The following KLKB1 variants were observed in gnomAD, a reference collection of about 807,000 sequenced individuals.
The protein encoded by KLKB1 is plasma kallikrein.
Under a neutral mutation model 73.6 loss-of-function variants are expected in KLKB1, and 58 were observed. The ratio of observed to expected loss-of-function variants is 0.79; its 90% CI spans 0.64 to 0.98. The LOEUF is 0.98. Ranked by LOEUF, KLKB1 falls within the 50% of genes least tolerant of loss-of-function variation. The probability of loss-of-function intolerance (pLI) is 0.00; values close to 1 mark genes in which losing one functional copy is unlikely to be tolerated. For synonymous variants in KLKB1, 280 were observed against 258.1 expected, an observed-to-expected ratio of 1.08 and a Z score of -0.81; for missense variants, 737 against 763.8, an observed-to-expected ratio of 0.96 and a Z score of 0.41.
intron 2 of KLKB1, among the ~76,000 whole-genome samples, chr4:186,216,238 T>G (rs934068592): frequency 6.6e-6 from 1 of 152,230 alleles, no homozygotes. Flanking sequence ...CTTATTCATG[T>G]GCTTATTTAT....
intron 6 of KLKB1, among the ~76,000 whole-genome samples, chr4:186,241,674 A>C (rs1279472520): frequency 9.9e-5 from 15 of 152,216 alleles, no homozygotes; most frequent in Admixed American, 9.8e-4. Context: ...AAGGAGGAAA[A>C]CATAAATTGG....
At position 186,233,393 on chromosome 4, in the gene KLKB1, A is replaced by AAATTTCTAGAAATTGG. The variant is rs1737497119; in HGVS notation, c.222-559_222-558insAATTTCTAGAAATTGG. 2.0e-5 allele frequency among the ~76,000 whole-genome samples: 3 copies of AAATTTCTAGAAATTGG among 152,214 alleles called. No homozygotes were observed. The South Asian group carries it at 6.2e-4, about 31-fold the overall frequency. ...TGAGTTTACCAACTAGAAATTGGATAGTCATTCTCTGATCCCACATGTTAA... is the reference window on the plus strand; with the variant it reads ...TGAGTTTACCAACTAGAAATTGGATAAATTTCTAGAAATTGGGTCATTCTCTGATCCCACATGTTAA... On this transcript the variant is annotated intron_variant, in intron 3 of 14. Coordinates refer to ENST00000264690, the MANE Select transcript of KLKB1 (RefSeq NM_000892.5).
At chr4:186,241,653 T>C (rs1477066367) in intron 6 of KLKB1, among the ~76,000 whole-genome samples, 1 of 152,224 alleles carries the variant, frequency 6.6e-6, no homozygotes, top group Non-Finnish European at 1.5e-5. Flanking sequence ...GTACACATAT[T>C]TTCAAGCCAA....
rs1738599447 is a variant in KLKB1 at position 186,250,341 on chromosome 4, T to C, written c.697T>C (p.Tyr233His). ...DAFVCRTICT[Y>H]HPNCLFFTFY... ...TTTTGTGTGTCGGACCATCTGCACC[T>C]ATCACCCCAACTGCCTCTTCTTTAC... Residue 233 changes from tyrosine to histidine, a missense_variant, in exon 7 of 15, where the codon TAT (tyrosine) becomes CAT (histidine). Transcript: ENST00000264690. 6.2e-7 allele frequency: 1 copy of C among 1,614,140 alleles called. No individual in the cohort carries two copies. The highest frequency in any genetic ancestry group is 8.5e-7 in the Non-Finnish European group (1 of 1,179,970).
chr4:186,256,447 G>A (rs1049399900), intron 13 of KLKB1, among the ~76,000 whole-genome samples: 2 of 152,150 alleles, frequency 1.3e-5, no homozygotes, highest in African/African-American at 4.8e-5. Flanking sequence ...GCTAATGGCC[G>A]GGAGCACAGG....
chr4:186,257,046 ACTGT>A (rs142324445), intron 13 of KLKB1, among the ~76,000 whole-genome samples, 176 bp from the exon 14 acceptor site: 3,742 of 151,524 alleles, frequency 0.025, 161 homozygotes, highest in African/African-American at 0.086. Context: ...CCCAATTTTT[ACTGT>A]CTATTTGTAT....
Position 186,254,915 on chromosome 4 carries a change from C to T in KLKB1, c.1489+152C>T, listed in dbSNP as rs9654303. The T allele has an allele frequency of 1.3e-3, 839 of 655,996 alleles. 3 individuals carry two copies. In the African/African-American group the frequency reaches 0.014, roughly 11 times the overall value. 40.6% of individuals were successfully genotyped at this position (655,996 alleles called of 1,614,324 possible). ...GTGAGGGTTGCTGGGAAGTGAAGAC[C>T]CCGCGACTTGCCGTGAAATCTCTTC... On this transcript the variant is annotated intron_variant, in intron 12 of 14. Transcript: ENST00000264690.
chr4:186,237,572 A>T (rs2126640297), intron 5 of KLKB1, among the ~76,000 whole-genome samples: 1 of 152,288 alleles, frequency 6.6e-6, no homozygotes, highest in East Asian at 1.9e-4. Flanking sequence ...ATTTCTGAGC[A>T]TTCTCTTTTA....
At chr4:186,220,929 A>G (rs1472328788) in intron 2 of KLKB1, among the ~76,000 whole-genome samples, 1 of 152,188 alleles carries the variant, frequency 6.6e-6, no homozygotes, top group Non-Finnish European at 1.5e-5. Flanking sequence ...CAATGAAGAC[A>G]TCAGGTGCTG....
chr4:186,240,007 G>A (rs1015814272), intron 6 of KLKB1, among the ~76,000 whole-genome samples: 1 of 150,038 alleles, frequency 6.7e-6, no homozygotes, highest in Non-Finnish European at 1.5e-5. Flanking sequence ...TATTGTTATA[G>A]TTATAGGAAA....
At chr4:186,248,458 C>T (rs951942089) in intron 6 of KLKB1, among the ~76,000 whole-genome samples, 12 of 151,970 alleles carry the variant, frequency 7.9e-5, no homozygotes, top group African/African-American at 1.7e-4. Flanking sequence ...TTTCACCTGG[C>T]GTGTTTTCAA....
intron 6 of KLKB1, among the ~76,000 whole-genome samples, chr4:186,242,929 T>C (rs1471767047): frequency 1.5e-5 from 2 of 131,322 alleles, no homozygotes; most frequent in South Asian, 2.2e-4. Flanking sequence ...GGCCGGTCTG[T>C]TATCGGATTG....
Position 186,258,018 on chromosome 4 carries a change from C to T in KLKB1, c.1726-3C>T. The stretch of plus-strand genomic sequence containing the variant: ...ACTATTTTATTTTTCCACTGTGACT[C>T]AGGGAGATTCAGGTGGTCCCTTAGT... On this transcript the variant is annotated splice_polypyrimidine_tract_variant and splice_region_variant and intron_variant, in intron 14 of 14. Transcript: ENST00000264690. 6.2e-7 allele frequency: 1 copy of T among 1,613,646 alleles called. No individual in the cohort carries two copies. The highest frequency in any genetic ancestry group is 8.5e-7 in the Non-Finnish European group (1 of 1,179,572).
intron 6 of KLKB1, among the ~76,000 whole-genome samples, chr4:186,245,664 G>C (rs1414437381): frequency 2.6e-5 from 4 of 152,138 alleles, no homozygotes; most frequent in Admixed American, 1.3e-4. Flanking sequence ...ATGTGGCTGG[G>C]TTTTGTCTCA....
chr4:186,237,818 C>T (rs1249507144), intron 5 of KLKB1, among the ~76,000 whole-genome samples: 2 of 152,152 alleles, frequency 1.3e-5, no homozygotes, highest in Non-Finnish European at 2.9e-5. Context: ...CCGCCCCCTT[C>T]CCACCTCTCT....
intron 4 of KLKB1, among the ~76,000 whole-genome samples, chr4:186,234,573 C>A (rs1371620260): frequency 1.3e-5 from 2 of 152,142 alleles, no homozygotes; most frequent in East Asian, 3.9e-4. Context: ...ACAGGGCAGT[C>A]GTCCACAGCA....
At chr4:186,246,797 C>T (rs943080214) in intron 6 of KLKB1, among the ~76,000 whole-genome samples, 5 of 152,078 alleles carry the variant, frequency 3.3e-5, no homozygotes, top group South Asian at 2.1e-4. Flanking sequence ...GGCATTCGCG[C>T]GGTGATCAGA....
rs3214676 is a variant in KLKB1, at chr4:186,251,199, C to CT, written c.759-12dup. On this transcript the variant is annotated intron_variant, in intron 7 of 14. Transcript: ENST00000264690. ...TGCAAATTTCTTTCTTTCTCTCTTG[C>CT]TTTTTTTTAAAAAAAATAGAAATGT... The CT allele has an allele frequency of 0.37, 556,322 of 1,494,326 alleles. 104,715 individuals are homozygous for CT. The highest frequency in any genetic ancestry group is 0.4 in the Non-Finnish European group (425,064 of 1,074,012). The allele number at this position is 1,494,326 out of a possible 1,614,324, so 92.6% of individuals were successfully genotyped here.
At position 186,234,010 on chromosome 4, in the gene KLKB1, GGTGCAGT is replaced by G; in HGVS notation, c.281_287del (p.Gly94ValfsTer6). ...AACCCTGCCAAAAGTACATCGAACAGGTGCAGTTTCTGGACATTCCTTGAAGCAATGT... is the reference window on the plus strand; with the variant it reads ...AACCCTGCCAAAAGTACATCGAACAGTTCTGGACATTCCTTGAAGCAATGT... On this transcript the variant is annotated frameshift_variant, in exon 4 of 15. Coordinates refer to ENST00000264690, the MANE Select transcript of KLKB1 (RefSeq NM_000892.5). LOFTEE classifies it high-confidence loss of function. 1 of 1,614,100 alleles carries G rather than the reference GGTGCAGT, an allele frequency of 6.2e-7. No homozygotes were observed. The highest frequency in any genetic ancestry group is 8.5e-7 in the Non-Finnish European group (1 of 1,179,968).
Sources: gnomAD v4.1 joint callset for allele counts (sites outside exome capture counted in the v4.1 genomes callset) on GRCh38, gnomAD v4.1.1 for gene constraint, MANE v1.5 for transcripts, NCBI Gene and HGNC (gene_info 2026-07-23, HGNC 2026-07-21) for gene names.